CSMD3: variants seen among roughly 807,000 people sequenced by gnomAD.
CSMD3 encodes the protein CUB and sushi domain-containing protein 3.
A neutral mutation model predicts 435.2 loss-of-function variants in CSMD3; 177 were observed. That is an observed-to-expected ratio of 0.41 (90% confidence interval 0.36 to 0.46). The LOEUF is 0.46. CSMD3 is among the 20% of genes least tolerant of loss of function. The probability of loss-of-function intolerance (pLI) is 0.34; values close to 1 mark genes in which losing one functional copy is unlikely to be tolerated. For missense variants in CSMD3, 4,265 were observed against 4,504.6 expected, an observed-to-expected ratio of 0.95 and a Z score of 1.52; for synonymous variants, 1,656 against 1,520.5, an observed-to-expected ratio of 1.09 and a Z score of -2.07.
intron 13 of CSMD3, among the ~76,000 whole-genome samples, chr8:112,694,440 T>C (rs1268009021): frequency 6.6e-6 from 1 of 152,204 alleles, no homozygotes; most frequent in African/African-American, 2.4e-5. Context: ...GTCATTATTA[T>C]ATTTTTAAAT....
At chr8:112,451,544 T>C (rs1013419452) in intron 32 of CSMD3, among the ~76,000 whole-genome samples, 6 of 145,454 alleles carry the variant, frequency 4.1e-5, no homozygotes, top group Non-Finnish European at 3.0e-5. Context: ...TAATCTTCTC[T>C]TTTTTTTTTT....
intron 4 of CSMD3, among the ~76,000 whole-genome samples, chr8:113,137,993 C>T (rs2091457297): frequency 6.6e-6 from 1 of 151,556 alleles, no homozygotes; most frequent in Non-Finnish European, 1.5e-5. Flanking sequence ...TCATAACAAA[C>T]TTACTTAACA....
intron 32 of CSMD3, among the ~76,000 whole-genome samples, chr8:112,441,392 C>T (rs1249418572): frequency 6.6e-6 from 1 of 152,090 alleles, no homozygotes; most frequent in African/African-American, 2.4e-5. Context: ...TGAGCCTTCC[C>T]AGTTTCTAAG....
At chr8:113,206,431 T>C (rs970370006) in intron 3 of CSMD3, among the ~76,000 whole-genome samples, 2 of 152,170 alleles carry the variant, frequency 1.3e-5, no homozygotes. Context: ...CACATCCTGT[T>C]CCTGTCCATG....
At chr8:112,760,248 T>C (rs1349163425) in intron 13 of CSMD3, among the ~76,000 whole-genome samples, 1 of 152,176 alleles carries the variant, frequency 6.6e-6, no homozygotes, top group Non-Finnish European at 1.5e-5. Context: ...TGAATTAATA[T>C]GTACTTTTTA....
At chr8:113,069,642 G>C (rs1162198213) in intron 5 of CSMD3, among the ~76,000 whole-genome samples, 2 of 152,052 alleles carry the variant, frequency 1.3e-5, no homozygotes, top group Non-Finnish European at 2.9e-5. Flanking sequence ...AAGTGCCTTA[G>C]AAGAAAGATT....
intron 38 of CSMD3, among the ~76,000 whole-genome samples, chr8:112,360,650 A>G (rs1171972116): frequency 6.6e-6 from 1 of 151,884 alleles, no homozygotes; most frequent in East Asian, 1.9e-4. Flanking sequence ...AATAACATAA[A>G]TTATTTTTGT....
At chr8:112,247,467 TTAGA>T (rs1291165234) in intron 63 of CSMD3, among the ~76,000 whole-genome samples, 1 of 151,894 alleles carries the variant, frequency 6.6e-6, no homozygotes, top group African/African-American at 2.4e-5. Flanking sequence ...AGATAGATAG[TTAGA>T]TAAAGATAAA....
chr8:113,044,562 CA>C (rs2087752955), intron 5 of CSMD3, among the ~76,000 whole-genome samples: 1 of 148,828 alleles, frequency 6.7e-6, no homozygotes, highest in Non-Finnish European at 1.5e-5. Flanking sequence ...AGTAAAATGC[CA>C]AAAATTTAGT....
chr8:112,318,054 A>T (rs191530831), intron 47 of CSMD3, among the ~76,000 whole-genome samples: 29 of 152,144 alleles, frequency 1.9e-4, no homozygotes, highest in African/African-American at 6.3e-4. Context: ...TTAGCACATC[A>T]TTCAAGGTCT....
intron 5 of CSMD3, among the ~76,000 whole-genome samples, chr8:113,080,276 CTTAA>C (rs1378177840): frequency 1.3e-5 from 2 of 152,108 alleles, no homozygotes; most frequent in Non-Finnish European, 2.9e-5. Context: ...ATCTCTCTTT[CTTAA>C]TTGAGTAATG....
At chr8:113,097,535 T>C (rs2090201973) in intron 5 of CSMD3, among the ~76,000 whole-genome samples, 1 of 152,052 alleles carries the variant, frequency 6.6e-6, no homozygotes, top group Admixed American at 6.6e-5. Context: ...TGTTTTCTCA[T>C]TTTATCCTCT....
Position 112,666,480 on chromosome 8 carries a change from A to C in CSMD3, c.2678-65T>G. On this transcript the variant is annotated intron_variant, in intron 16 of 70. Transcript: ENST00000297405. Reference sequence around the variant, plus strand: ...AGATAAATCGCAGATATTATTCTTAATACAAACAATTTCAAAAACAAGTCT... The same window carrying C: ...AGATAAATCGCAGATATTATTCTTACTACAAACAATTTCAAAAACAAGTCT... 3 of 1,423,354 alleles carry C rather than the reference A, an allele frequency of 2.1e-6. No homozygotes were observed. In the South Asian group the frequency reaches 3.6e-5, roughly 17 times the overall value. 88.2% of individuals were successfully genotyped at this position (1,423,354 alleles called of 1,614,324 possible).
At chr8:113,098,198 T>A (rs181892742) in intron 5 of CSMD3, among the ~76,000 whole-genome samples, 46 of 152,192 alleles carry the variant, frequency 3.0e-4, no homozygotes, top group African/African-American at 1.1e-3. Context: ...ATCTTATTCA[T>A]TCTTTCACTC....
chr8:112,384,383 A>G (rs567476933), intron 36 of CSMD3, among the ~76,000 whole-genome samples: 1 of 152,274 alleles, frequency 6.6e-6, no homozygotes, highest in South Asian at 2.1e-4. Flanking sequence ...TCTCCTGTCT[A>G]TTACAGTTTA....
intron 9 of CSMD3, among the ~76,000 whole-genome samples, chr8:112,938,222 C>T (rs957928869): frequency 6.6e-6 from 1 of 152,172 alleles, no homozygotes; most frequent in East Asian, 1.9e-4. Flanking sequence ...AGCTTGCCAG[C>T]TCCCCAGAAC....
intron 11 of CSMD3, among the ~76,000 whole-genome samples, chr8:112,832,308 C>T (rs574491836): frequency 7.2e-5 from 11 of 152,030 alleles, no homozygotes; most frequent in South Asian, 2.1e-4. Context: ...ATGAAAATGA[C>T]GGATTATCAA....
chr8:112,369,921 T>C lies in CSMD3; in HGVS notation c.6136+10431A>G, dbSNP rs1293385896. ...TAAAAATTAAATAAATAAATCACAATTTGCTATTGCAAGAAGAAGAAGAAG... is the reference window on the plus strand; with the variant it reads ...TAAAAATTAAATAAATAAATCACAACTTGCTATTGCAAGAAGAAGAAGAAG... On this transcript the variant is annotated intron_variant, in intron 38 of 70. Transcript: ENST00000297405. Among the ~76,000 whole-genome samples, 3 of 144,404 alleles carry C rather than the reference T, an allele frequency of 2.1e-5. 1 individual carries two copies. The allele number at this position is 144,404 out of a possible 152,430, so 94.7% of individuals were successfully genotyped here.
At chr8:112,532,665 T>C (rs896588669) in intron 27 of CSMD3, among the ~76,000 whole-genome samples, 2 of 152,150 alleles carry the variant, frequency 1.3e-5, no homozygotes, top group African/African-American at 4.8e-5. Context: ...AGAGTCTTCA[T>C]CATCATAACT....
Sources: gnomAD v4.1 joint callset for allele counts (sites outside exome capture counted in the v4.1 genomes callset) on GRCh38, gnomAD v4.1.1 for gene constraint, MANE v1.5 for transcripts, NCBI Gene and HGNC (gene_info 2026-07-23, HGNC 2026-07-21) for gene names.